BLTP3B: variants seen among roughly 807,000 people sequenced by gnomAD.
BLTP3B encodes UHRF1 (ICBP90) binding protein 1-like.
the BLTP3B span, chr12:100,058,176 G>A: frequency 2.1e-3 from 3,344 of 1,613,184 alleles, 69 homozygotes; most frequent in African/African-American, 0.037. Context: ...ACTAGTTAAA[G>A]TACTTGAAAG....
the BLTP3B span, among the ~76,000 whole-genome samples, chr12:100,106,535 G>A: frequency 2.6e-5 from 4 of 152,156 alleles, no homozygotes; most frequent in African/African-American, 9.7e-5. Flanking sequence ...GTTCTTTTAA[G>A]TGTGAGGTGA....
chr12:100,072,621 A>G, the BLTP3B span: 8 of 1,398,572 alleles, frequency 5.7e-6, no homozygotes, highest in Admixed American at 8.2e-5. Flanking sequence ...ATTAACAAGA[A>G]AAAAATACTT....
the BLTP3B span, among the ~76,000 whole-genome samples, chr12:100,116,448 C>CA: frequency 0.23 from 12,521 of 55,302 alleles, 1,142 homozygotes; most frequent in African/African-American, 0.36. Context: ...GATCCTGTCT[C>CA]AAAAAAAAAA....
At chr12:100,044,000 G>T in the BLTP3B span, among the ~76,000 whole-genome samples, 3 of 152,122 alleles carry the variant, frequency 2.0e-5, no homozygotes, top group Admixed American at 2.0e-4. Flanking sequence ...TTTTTTTAAA[G>T]AACTATATAT....
the BLTP3B span, among the ~76,000 whole-genome samples, chr12:100,042,292 T>A: frequency 1.3e-5 from 2 of 152,070 alleles, no homozygotes; most frequent in African/African-American, 4.8e-5. Flanking sequence ...AAAATTCATA[T>A]GGAATTGCAA....
At chr12:100,083,926 C>A in the BLTP3B span, among the ~76,000 whole-genome samples, 2 of 152,152 alleles carry the variant, frequency 1.3e-5, no homozygotes, top group African/African-American at 2.4e-5. Flanking sequence ...TGGTGGCTCA[C>A]GCCTGTAATC....
At chr12:100,140,730 ATATATAT>A in the BLTP3B span, among the ~76,000 whole-genome samples, 18 of 61,806 alleles carry the variant, frequency 2.9e-4, no homozygotes, top group African/African-American at 1.5e-3. Flanking sequence ...AAAAAAAAAA[ATATATAT>A]ATATATATAT....
chr12:100,055,126 TAA>T, the BLTP3B span, among the ~76,000 whole-genome samples: 1 of 151,920 alleles, frequency 6.6e-6, no homozygotes, highest in Non-Finnish European at 1.5e-5. Context: ...CTGACTTATG[TAA>T]AGAGTAAATT....
chr12:100,137,661 G>A, the BLTP3B span, among the ~76,000 whole-genome samples: 11 of 151,972 alleles, frequency 7.2e-5, no homozygotes, highest in African/African-American at 1.2e-4. Flanking sequence ...TGTAGACTCC[G>A]TATTTCCACC....
At chr12:100,129,778 G>GA in the BLTP3B span, among the ~76,000 whole-genome samples, 18 of 151,956 alleles carry the variant, frequency 1.2e-4, no homozygotes, top group Non-Finnish European at 2.4e-4. Context: ...AACATGGGTG[G>GA]AAAAAAAGGA....
chr12:100,058,808 C>T, the BLTP3B span: 7 of 1,613,948 alleles, frequency 4.3e-6, no homozygotes, highest in Middle Eastern at 4.9e-4. Flanking sequence ...GAAGCAGATA[C>T]TGGTAGTGAT....
the BLTP3B span, among the ~76,000 whole-genome samples, chr12:100,045,401 C>T: frequency 6.6e-6 from 1 of 152,194 alleles, no homozygotes; most frequent in South Asian, 2.1e-4. Context: ...TGGAACATAA[C>T]AGAGGCCTGA....
the BLTP3B span, among the ~76,000 whole-genome samples, chr12:100,139,917 C>T: frequency 6.6e-6 from 1 of 152,180 alleles, no homozygotes; most frequent in Non-Finnish European, 1.5e-5. Context: ...ACTCTGTGGT[C>T]AGGAAAGGTC....
the BLTP3B span, among the ~76,000 whole-genome samples, chr12:100,070,884 T>A: frequency 1.3e-5 from 2 of 152,026 alleles, no homozygotes; most frequent in African/African-American, 4.8e-5. Context: ...TGCATGCCTG[T>A]AGTCCCAGCT....
At chr12:100,059,019 T>C in the BLTP3B span, 1 of 1,614,162 alleles carries the variant, frequency 6.2e-7, no homozygotes, top group Non-Finnish European at 8.5e-7. Context: ...AGATTCACTT[T>C]GTGATGTATT....
At chr12:100,115,707 A>G in the BLTP3B span, among the ~76,000 whole-genome samples, 1 of 151,970 alleles carries the variant, frequency 6.6e-6, no homozygotes, top group African/African-American at 2.4e-5. Flanking sequence ...GAGGCTGCAG[A>G]GCTGTGATCG....
chr12:100,136,656 A>C, the BLTP3B span, among the ~76,000 whole-genome samples: 1 of 152,240 alleles, frequency 6.6e-6, no homozygotes, highest in Non-Finnish European at 1.5e-5. Context: ...TGTCTGGCAG[A>C]CTAAATAAGC....
At chr12:100,095,958 G>T in the BLTP3B span, 7 of 1,016,254 alleles carry the variant, frequency 6.9e-6, no homozygotes, top group Non-Finnish European at 9.6e-6. Context: ...CTTCACACAA[G>T]AAGTATTTAC....
the BLTP3B span, chr12:100,082,957 T>C: frequency 2.5e-6 from 3 of 1,210,480 alleles, no homozygotes; most frequent in African/African-American, 4.5e-5. Flanking sequence ...GTTATTTAAG[T>C]TGCTTAGATG....
Sources: allele counts gnomAD v4.1 joint callset (sites outside exome capture counted in the v4.1 genomes callset), GRCh38; gene constraint gnomAD v4.1.1; transcripts MANE v1.5; gene names NCBI Gene and HGNC (gene_info 2026-07-23, HGNC 2026-07-21).